Variants in CACNB2 observed in about 807,000 individuals in gnomAD.
The protein encoded by CACNB2 is calcium voltage-gated channel auxiliary subunit beta 2.
In CACNB2, 42 loss-of-function variants were observed where a neutral mutation model predicts 73.3. The observed-to-expected ratio is 0.57, with a 90% confidence interval of 0.45 to 0.74. The LOEUF (loss-of-function observed/expected upper bound fraction) is 0.74. Among genes scored for constraint, CACNB2 ranks in the 30% least tolerant of loss-of-function variants. The pLI, the probability that CACNB2 is intolerant of heterozygous loss-of-function variation, is 0.00. For missense variants in CACNB2, 940 were observed against 853.0 expected, an observed-to-expected ratio of 1.10 and a Z score of -1.27; for synonymous variants, 348 against 310.3, an observed-to-expected ratio of 1.12 and a Z score of -1.28.
intron 3 of CACNB2, among the ~76,000 whole-genome samples, chr10:18,437,954 G>A (rs1226819712): frequency 1.3e-5 from 2 of 149,774 alleles, no homozygotes; most frequent in Admixed American, 6.7e-5. Context: ...TTAAAACTCA[G>A]GGGAATGGCC....
intron 2 of CACNB2, among the ~76,000 whole-genome samples, chr10:18,160,297 A>T (rs2131086806): frequency 6.6e-6 from 1 of 151,634 alleles, no homozygotes. Flanking sequence ...AATTTTGTGG[A>T]TTGAGATTTT....
intron 2 of CACNB2, among the ~76,000 whole-genome samples, chr10:18,179,746 A>G (rs929571167): frequency 2.0e-4 from 31 of 152,144 alleles, no homozygotes; most frequent in Admixed American, 2.0e-3. Flanking sequence ...GTGCATGCCA[A>G]TATTTAAAAT....
At chr10:18,308,049 A>G (rs1003357393) in intron 2 of CACNB2, among the ~76,000 whole-genome samples, 1 of 125,850 alleles carries the variant, frequency 7.9e-6, no homozygotes, top group Admixed American at 1.0e-4. Flanking sequence ...GCTGGAGTAC[A>G]GTGGTGTGAT....
At position 18,157,264 on chromosome 10, in the gene CACNB2, C is replaced by T. The variant is rs79870099; in HGVS notation, c.213+6289C>T. On this transcript the variant is annotated intron_variant, in intron 2 of 13. Transcript: ENST00000324631. ...TTTTCTTCAAGAAGCTGGTTAGTGG[C>T]GAACGCCTGGACTTGGAAGCCAGGC... Among the ~76,000 whole-genome samples, 1,492 of 152,252 alleles carry T rather than the reference C, an allele frequency of 9.8e-3. 22 individuals carry two copies. Among genetic ancestry groups the T allele is most frequent in the African/African-American group, 0.034 (1,425 of 41,554 alleles).
At chr10:18,516,219 A>G (rs1010232788) in intron 7 of CACNB2, among the ~76,000 whole-genome samples, 12 of 129,054 alleles carry the variant, frequency 9.3e-5, no homozygotes, top group Admixed American at 9.2e-4. Context: ...CTCTGTCTCA[A>G]AAAAAAGAAA....
intron 2 of CACNB2, among the ~76,000 whole-genome samples, chr10:18,306,700 T>C (rs532854137): frequency 2.2e-4 from 33 of 152,086 alleles, no homozygotes; most frequent in African/African-American, 8.0e-4. Flanking sequence ...GAGCCAAAGA[T>C]AGTTAAGGAG....
intron 7 of CACNB2, among the ~76,000 whole-genome samples, chr10:18,517,475 A>C (rs1201120658): frequency 6.6e-6 from 1 of 152,190 alleles, no homozygotes; most frequent in East Asian, 1.9e-4. Flanking sequence ...CTCCCCTCTT[A>C]TTAAAAAGAA....
intron 2 of CACNB2, among the ~76,000 whole-genome samples, chr10:18,328,720 G>A (rs1479503110): frequency 1.3e-5 from 2 of 152,080 alleles, no homozygotes; most frequent in Non-Finnish European, 2.9e-5. Context: ...TGTAGATTTG[G>A]GACTCAATTC....
At chr10:18,186,251 C>T (rs2034146241) in intron 2 of CACNB2, among the ~76,000 whole-genome samples, 1 of 152,018 alleles carries the variant, frequency 6.6e-6, no homozygotes, top group Admixed American at 6.6e-5. Context: ...GAAACCCCAT[C>T]TCTACTAAAA....
intron 2 of CACNB2, among the ~76,000 whole-genome samples, chr10:18,237,594 T>C (rs1310378581): frequency 6.6e-6 from 1 of 152,212 alleles, no homozygotes; most frequent in Admixed American, 6.5e-5. Flanking sequence ...TTCCATTGCT[T>C]TCAGCCACCT....
At chr10:18,166,238 C>G (rs937958139) in intron 2 of CACNB2, among the ~76,000 whole-genome samples, 1 of 151,962 alleles carries the variant, frequency 6.6e-6, no homozygotes, top group Admixed American at 6.6e-5. Flanking sequence ...AATAATAATT[C>G]AATTAATAAT....
intron 3 of CACNB2, among the ~76,000 whole-genome samples, chr10:18,487,111 G>T (rs542420882): frequency 6.6e-6 from 1 of 152,266 alleles, no homozygotes; most frequent in East Asian, 1.9e-4. Flanking sequence ...TTTGCATGGT[G>T]CATGAAGATG....
intron 2 of CACNB2, among the ~76,000 whole-genome samples, chr10:18,385,882 A>T (rs2043210606): frequency 6.6e-6 from 1 of 152,174 alleles, no homozygotes; most frequent in African/African-American, 2.4e-5. Context: ...TGCCCTACTG[A>T]TAGTTATGTT....
chr10:18,211,045 C>T (rs2035296784), intron 2 of CACNB2, among the ~76,000 whole-genome samples: 1 of 152,180 alleles, frequency 6.6e-6, no homozygotes, highest in African/African-American at 2.4e-5. Flanking sequence ...GCATCTGAAG[C>T]ACTGAGCATG....
chr10:18,497,187 G>A (rs1308496562), intron 3 of CACNB2, among the ~76,000 whole-genome samples: 2 of 148,556 alleles, frequency 1.3e-5, no homozygotes, highest in Non-Finnish European at 3.0e-5. Flanking sequence ...ACTCCAGCCT[G>A]GGCTACAAAG....
At chr10:18,327,338 C>T (rs948766664) in intron 2 of CACNB2, among the ~76,000 whole-genome samples, 1 of 152,084 alleles carries the variant, frequency 6.6e-6, no homozygotes, top group African/African-American at 2.4e-5. Context: ...CTTCAGCCTC[C>T]AAAAATATCA....
chr10:18,477,576 C>T (rs1345069792), intron 3 of CACNB2, among the ~76,000 whole-genome samples: 3 of 152,122 alleles, frequency 2.0e-5, no homozygotes, highest in Non-Finnish European at 4.4e-5. Flanking sequence ...AGGATATGCC[C>T]AGGAGAAAAG....
intron 3 of CACNB2, among the ~76,000 whole-genome samples, chr10:18,443,455 C>T (rs1394614956): frequency 6.6e-6 from 1 of 152,070 alleles, no homozygotes; most frequent in African/African-American, 2.4e-5. Flanking sequence ...TGCTGTTCTG[C>T]CGGGCTTCTC....
chr10:18,334,232 C>T (rs909554145), intron 2 of CACNB2, among the ~76,000 whole-genome samples: 3 of 152,126 alleles, frequency 2.0e-5, no homozygotes, highest in South Asian at 2.1e-4. Context: ...AAATGTTCCA[C>T]GGTGTGAATA....
Sources: gnomAD v4.1 joint callset for allele counts (sites outside exome capture counted in the v4.1 genomes callset) on GRCh38, gnomAD v4.1.1 for gene constraint, MANE v1.5 for transcripts, NCBI Gene and HGNC (gene_info 2026-07-23, HGNC 2026-07-21) for gene names.